The following FHAD1 variants were observed in gnomAD, a reference collection of about 807,000 sequenced individuals.
FHAD1 encodes the protein forkhead associated phosphopeptide binding domain 1, also known as forkhead-associated domain-containing protein 1.
FHAD1 carries 146 observed loss-of-function variants against 191.3 expected under a neutral mutation model. The ratio of observed to expected loss-of-function variants is 0.76; its 90% confidence interval spans 0.67 to 0.88. The LOEUF (loss-of-function observed/expected upper bound fraction) is 0.88. FHAD1 is among the 40% of genes least tolerant of loss of function. The pLI is 0.00. For missense variants in FHAD1, 1,635 were observed against 1,785.8 expected (o/e 0.92, Z 1.52); for synonymous variants, 616 against 672.3 (o/e 0.92, Z 1.29).
chr1:15,254,040 AC>A (rs1171012714), intron 2 of FHAD1, among the ~76,000 whole-genome samples: 1 of 152,212 alleles, frequency 6.6e-6, no homozygotes, highest in Non-Finnish European at 1.5e-5. Context: ...AACTCAACAT[AC>A]CTTCCTTTGA....
chr1:15,322,688 C>T (rs534175046), intron 10 of FHAD1, among the ~76,000 whole-genome samples: 7 of 152,226 alleles, frequency 4.6e-5, no homozygotes, highest in Non-Finnish European at 1.0e-4. Flanking sequence ...AGCACTTCAT[C>T]ATTGCAGAAA....
chr1:15,392,376 C>CA (rs1310989038), intron 33 of FHAD1, among the ~76,000 whole-genome samples: 5 of 152,108 alleles, frequency 3.3e-5, no homozygotes, highest in East Asian at 1.9e-4. Flanking sequence ...ACTAAAAATA[C>CA]AAAAAATTAG....
At chr1:15,274,611 CA>C (rs112527521) in intron 3 of FHAD1, among the ~76,000 whole-genome samples, 98,925 of 145,494 alleles carry the variant, frequency 0.68, 33,099 homozygotes, top group East Asian at 0.94. Context: ...GACTCCGCCT[CA>C]AAAAAAAAAA....
intron 1 of FHAD1, among the ~76,000 whole-genome samples, chr1:15,237,655 A>T (rs1644924526): frequency 6.6e-6 from 1 of 152,160 alleles, no homozygotes; most frequent in African/African-American, 2.4e-5. Context: ...ATTAGAAGGG[A>T]CAATCTTTGA....
chr1:15,350,941 A>G (rs1326987647), intron 19 of FHAD1, among the ~76,000 whole-genome samples: 1 of 152,162 alleles, frequency 6.6e-6, no homozygotes, highest in Admixed American at 6.5e-5. Context: ...AACTATGGTC[A>G]CCACTGCCCC....
intron 2 of FHAD1, among the ~76,000 whole-genome samples, chr1:15,271,000 G>A (rs1407189834): frequency 7.9e-5 from 12 of 152,066 alleles, no homozygotes; most frequent in Admixed American, 5.9e-4. Context: ...TTAGCCAGGC[G>A]TGGTGGCAGG....
intron 19 of FHAD1, among the ~76,000 whole-genome samples, chr1:15,352,152 C>T (rs976638360): frequency 5.3e-5 from 8 of 152,110 alleles, no homozygotes; most frequent in Non-Finnish European, 1.2e-4. Flanking sequence ...CAGTACATAC[C>T]CCTCTGGTCT....
chr1:15,285,363 C>G (rs1156363191), intron 3 of FHAD1, among the ~76,000 whole-genome samples: 1 of 152,104 alleles, frequency 6.6e-6, no homozygotes, highest in Non-Finnish European at 1.5e-5. Flanking sequence ...GAAACTCTGT[C>G]TCTACTAAAA....
chr1:15,250,376 T>G (rs1411365201), intron 1 of FHAD1, among the ~76,000 whole-genome samples: 2 of 152,200 alleles, frequency 1.3e-5, no homozygotes, highest in Admixed American at 6.6e-5. Context: ...ATAAAATGGA[T>G]GGACACACGG....
chr1:15,236,798 T>G lies in FHAD1; in HGVS notation c.-15+37T>G, dbSNP rs1644829062. On this transcript the variant is annotated intron_variant, in intron 1 of 33. Coordinates refer to the FHAD1 transcript ENST00000683790. ...ATTTGCTTTCATGCTGAAGCTAGTT[T>G]GAACTGGGCTCTGATATGGTTTGGC... Among the ~76,000 whole-genome samples the G allele has an allele frequency of 2.0e-5, 3 of 152,224 alleles. No individual in the cohort carries two copies. In the South Asian group the frequency reaches 6.2e-4, roughly 32 times the overall value.
chr1:15,397,178 G>A (rs571116036), intron 33 of FHAD1, 119 bp from the exon 34 acceptor site: 55 of 473,592 alleles, frequency 1.2e-4, no homozygotes, highest in Middle Eastern at 6.0e-4. Flanking sequence ...GCGATAGAGC[G>A]AGACTCCGTC....
At chr1:15,279,554 CAA>C (rs57662759) in intron 3 of FHAD1, among the ~76,000 whole-genome samples, 3,770 of 96,806 alleles carry the variant, frequency 0.039, 86 homozygotes, top group African/African-American at 0.081. Context: ...CCTTAAAACT[CAA>C]AAAAAAAAAA....
chr1:15,298,908 G>A (rs1202744590), intron 5 of FHAD1, among the ~76,000 whole-genome samples: 14 of 151,428 alleles, frequency 9.2e-5, no homozygotes, highest in Admixed American at 3.9e-4. Context: ...AGTGGCTCGC[G>A]CCTGTAATCC....
intron 21 of FHAD1, among the ~76,000 whole-genome samples, chr1:15,360,054 A>G (rs1167095796): frequency 6.6e-6 from 1 of 152,224 alleles, no homozygotes; most frequent in African/African-American, 2.4e-5. Flanking sequence ...CAGAGGTTGC[A>G]GTGAGCCAAG....
At chr1:15,240,110 T>C (rs1645183832) in intron 1 of FHAD1, among the ~76,000 whole-genome samples, 1 of 152,208 alleles carries the variant, frequency 6.6e-6, no homozygotes, top group South Asian at 2.1e-4. Context: ...GTGATTATGT[T>C]ACATAAGATT....
At chr1:15,393,430 G>GCACACACACACACACA (rs57536175) in intron 33 of FHAD1, among the ~76,000 whole-genome samples, 19 of 146,842 alleles carry the variant, frequency 1.3e-4, no homozygotes, top group African/African-American at 4.5e-4. Context: ...ACACACACAC[G>GCACACACACACACACA]CACACACACA....
upstream of FHAD1, among the ~76,000 whole-genome samples, chr1:15,245,920 T>A (rs759492131): frequency 6.6e-6 from 1 of 152,194 alleles, no homozygotes; most frequent in Non-Finnish European, 1.5e-5. Context: ...CACAAATCGA[T>A]GTCCATGATT....
At chr1:15,367,261 T>G (rs552429759) in intron 24 of FHAD1, among the ~76,000 whole-genome samples, 2 of 152,238 alleles carry the variant, frequency 1.3e-5, no homozygotes, top group African/African-American at 4.8e-5. Flanking sequence ...TTTGGGAGAC[T>G]GAGGCGGGTG....
chr1:15,333,459 T>A (rs762341624), intron 14 of FHAD1, among the ~76,000 whole-genome samples: 8 of 152,206 alleles, frequency 5.3e-5, no homozygotes, highest in Non-Finnish European at 8.8e-5. Flanking sequence ...CTCAGCATTT[T>A]ATACACATGA....
Sources: gnomAD v4.1 joint callset for allele counts (sites outside exome capture counted in the v4.1 genomes callset) on GRCh38, gnomAD v4.1.1 for gene constraint, MANE v1.5 for transcripts, NCBI Gene and HGNC (gene_info 2026-07-23, HGNC 2026-07-21) for gene names.